SART3: variants seen among roughly 807,000 people sequenced by gnomAD.
SART3 encodes HIV-1 Tat-interacting protein of 110kDa.
In SART3, 44 loss-of-function variants were observed where a neutral mutation model predicts 122.3. The observed-to-expected ratio is 0.36, with a 90% CI of 0.28 to 0.46. The LOEUF (loss-of-function observed/expected upper bound fraction) is 0.46. Among genes scored for constraint, SART3 ranks in the 20% least tolerant of loss-of-function variants. The pLI is 1.00. For missense variants in SART3, 1,101 were observed against 1,229.0 expected (o/e 0.90, Z 1.56); for synonymous variants, 442 against 454.0 (o/e 0.97, Z 0.34).
intron 1 of SART3, among the ~76,000 whole-genome samples, chr12:108,557,365 G>A (rs2030274951): frequency 6.6e-6 from 1 of 151,744 alleles, no homozygotes; most frequent in Admixed American, 6.6e-5. Flanking sequence ...CAACATAGAT[G>A]CTTTAAAGGA....
At chr12:108,528,054 C>T (rs756186825) in intron 15 of SART3, among the ~76,000 whole-genome samples, 14 of 152,054 alleles carry the variant, frequency 9.2e-5, no homozygotes, top group East Asian at 1.9e-4. Flanking sequence ...CATGAGCTAC[C>T]GCGCCCAGCC....
At chr12:108,542,039 G>T (rs1000196961) in intron 6 of SART3, among the ~76,000 whole-genome samples, 22 of 127,186 alleles carry the variant, frequency 1.7e-4, no homozygotes, top group African/African-American at 6.0e-4. Flanking sequence ...GTAGAGACAG[G>T]GTTGTGCTAC....
At chr12:108,545,856 C>T (rs1017555828) in intron 3 of SART3, among the ~76,000 whole-genome samples, 4 of 150,608 alleles carry the variant, frequency 2.7e-5, no homozygotes, top group African/African-American at 9.7e-5. Flanking sequence ...GTCCCAGCTA[C>T]TCAGGAGGCT....
At chr12:108,560,763 G>A (rs1270411668) in intron 1 of SART3, 80 bp downstream of exon 1, 9 of 1,330,712 alleles carry the variant, frequency 6.8e-6, no homozygotes, top group South Asian at 1.5e-5. Flanking sequence ...CGCCGCCGAG[G>A]ACTAGGGAGG....
At chr12:108,531,662 C>A (rs1872682389) in intron 13 of SART3, 1 of 273,318 alleles carries the variant, frequency 3.7e-6, no homozygotes, top group Non-Finnish European at 7.1e-6. Flanking sequence ...GGGGTCCATA[C>A]CCAAAATCCA....
intron 17 of SART3, chr12:108,524,784 G>T (rs1036235833): frequency 3.7e-5 from 19 of 520,234 alleles, no homozygotes; most frequent in African/African-American, 3.5e-4. Context: ...AAAGAAAGAA[G>T]GAAAAAGACA....
chr12:108,554,839 A>C (rs1592776876), intron 1 of SART3, among the ~76,000 whole-genome samples: 1 of 152,166 alleles, frequency 6.6e-6, no homozygotes, highest in East Asian at 1.9e-4. Context: ...GAGAACTGTT[A>C]ATTATGGTCA....
At chr12:108,525,702 GC>G in intron 16 of SART3, 93 bp from the exon 17 acceptor site, 7 of 1,317,678 alleles carry the variant, frequency 5.3e-6, no homozygotes, top group Non-Finnish European at 7.7e-6. Context: ...CCCATGAGCA[GC>G]CCAGCCAGGC....
chr12:108,559,039 GAAAAAAAA>G (rs747479698), intron 1 of SART3, among the ~76,000 whole-genome samples: 14 of 103,946 alleles, frequency 1.3e-4, no homozygotes, highest in Non-Finnish European at 2.3e-4. Flanking sequence ...TCTCAAAAAA[GAAAAAAAA>G]AAAAAAAAAA....
At chr12:108,538,540 G>C (rs1178739387) in intron 7 of SART3, among the ~76,000 whole-genome samples, 1 of 152,186 alleles carries the variant, frequency 6.6e-6, no homozygotes, top group Admixed American at 6.5e-5. Flanking sequence ...AAGTAACACA[G>C]AAGGGACAAG....
intron 1 of SART3, 196 bp downstream of exon 1, chr12:108,560,647 G>T: frequency 3.7e-6 from 2 of 540,862 alleles, no homozygotes; most frequent in Non-Finnish European, 6.5e-6. Context: ...GTCGTGGCGA[G>T]GATTCAATGA....
rs527882519 is a variant in SART3, at chr12:108,548,724, C to T, written c.439+364G>A. 4.6e-5 allele frequency among the ~76,000 whole-genome samples: 7 copies of T among 152,252 alleles called. No homozygotes were observed. In the South Asian group the frequency reaches 1.5e-3, roughly 32 times the overall value. ...GAACAATTAATGTATGAAACATTTA[C>T]ATAAAAAACTGTCTGTAAAAGTTTA... On this transcript the variant is annotated intron_variant, in intron 2 of 18. Coordinates refer to ENST00000546815, the MANE Select transcript of SART3 (RefSeq NM_014706.4).
chr12:108,529,453 A>T (rs1047561696), intron 15 of SART3, among the ~76,000 whole-genome samples: 2 of 152,228 alleles, frequency 1.3e-5, no homozygotes, highest in African/African-American at 4.8e-5. Context: ...TATGGAAAGT[A>T]TAAGATGACC....
rs117328910 is a variant in SART3, at chr12:108,555,231, T to G, written c.312+5612A>C. Among the ~76,000 whole-genome samples, 333 of 152,336 alleles carry G rather than the reference T, an allele frequency of 2.2e-3. 7 individuals are homozygous for G. In the East Asian group the frequency reaches 0.047, roughly 22 times the overall value. On this transcript the variant is annotated intron_variant, in intron 1 of 18. Transcript: ENST00000546815. ...GTTTTTTACAATAAAAAAATTACAT[T>G]TCTATAAACCAGCAAGCTTTAAAAT...
intron 1 of SART3, among the ~76,000 whole-genome samples, chr12:108,552,455 A>G (rs186107397): frequency 7.9e-6 from 1 of 126,854 alleles, no homozygotes; most frequent in East Asian, 2.4e-4. Context: ...CTAAGTAGAC[A>G]ATCTTAAGGA....
chr12:108,537,421 G>C, intron 9 of SART3, 67 bp downstream of exon 9: 1 of 1,209,758 alleles, frequency 8.3e-7, no homozygotes, highest in Non-Finnish European at 1.2e-6. Context: ...GGGGAACTGG[G>C]ACATCTCGCC....
intron 6 of SART3, 103 bp downstream of exon 6, chr12:108,542,921 CTATA>C: frequency 7.1e-7 from 1 of 1,417,904 alleles, no homozygotes; most frequent in Non-Finnish European, 9.9e-7. Context: ...TTTATACACT[CTATA>C]TATTTCAGAA....
intron 4 of SART3, 155 bp from the exon 5 acceptor site, chr12:108,544,633 C>G (rs1873320446): frequency 1.0e-6 from 1 of 992,528 alleles, no homozygotes; most frequent in Non-Finnish European, 1.6e-6. Context: ...GTGGTGTGAT[C>G]ACAACTCACT....
rs1350982886 is a variant in SART3, at chr12:108,536,319, A to G, written c.1446+195T>C. 4.6e-5 allele frequency among the ~76,000 whole-genome samples: 7 copies of G among 152,352 alleles called. No homozygotes were observed. In the East Asian group the frequency reaches 5.8e-4, roughly 13 times the overall value. Reference sequence around the variant, plus strand: ...GCTGGGAGCTAATATTTTCACCAACATATTTACAAATATATGTCAAGCTAG... The same window carrying G: ...GCTGGGAGCTAATATTTTCACCAACGTATTTACAAATATATGTCAAGCTAG... On this transcript the variant is annotated intron_variant, in intron 11 of 18. Coordinates refer to ENST00000546815, the MANE Select transcript of SART3 (RefSeq NM_014706.4).
Sources: gnomAD v4.1 joint callset for allele counts (sites outside exome capture counted in the v4.1 genomes callset) on GRCh38, gnomAD v4.1.1 for gene constraint, MANE v1.5 for transcripts, NCBI Gene and HGNC (gene_info 2026-07-23, HGNC 2026-07-21) for gene names.